Variants in ALK observed in about 807,000 individuals in gnomAD.
The protein encoded by ALK is ALK tyrosine kinase receptor.
A neutral mutation model predicts 163.1 loss-of-function variants in ALK; 74 were observed. The observed-to-expected ratio is 0.45, with a 90% CI of 0.38 to 0.55. The LOEUF (loss-of-function observed/expected upper bound fraction) is 0.55, where lower values mean the gene tolerates loss of function less well. Among genes scored for constraint, ALK ranks in the 20% least tolerant of loss-of-function variants. The pLI is 0.00. For missense variants in ALK, 2,063 were observed against 2,105.3 expected, an observed-to-expected ratio of 0.98 and a Z score of 0.39; for synonymous variants, 960 against 843.2, an observed-to-expected ratio of 1.14 and a Z score of -2.40.
chr2:29,916,820 TG>T (rs1667846902), intron 1 of ALK, among the ~76,000 whole-genome samples: 1 of 152,176 alleles, frequency 6.6e-6, no homozygotes, highest in African/African-American at 2.4e-5. Context: ...ACTGGAGCTG[TG>T]GGCAACATGC....
rs943938813 is a variant in ALK at position 29,830,481 on chromosome 2, A to T, written c.667+89512T>A. On this transcript the variant is annotated intron_variant, in intron 1 of 28. Transcript: ENST00000389048. Reference sequence around the variant, plus strand: ...TTCAGGTAAGAGGAGCCCTATTGACACAAGGTCTTCTTTAATCCCATCCAG... The same window carrying T: ...TTCAGGTAAGAGGAGCCCTATTGACTCAAGGTCTTCTTTAATCCCATCCAG... Among the ~76,000 whole-genome samples, 3 of 152,050 alleles carry T rather than the reference A, an allele frequency of 2.0e-5. No individual in the cohort carries two copies. The East Asian group carries it at 5.8e-4, about 29-fold the overall frequency.
chr2:29,678,435 C>T (rs977229097), intron 3 of ALK, among the ~76,000 whole-genome samples: 1 of 151,434 alleles, frequency 6.6e-6, no homozygotes, highest in Non-Finnish European at 1.5e-5. Context: ...GCATTCAAAG[C>T]TATACTTTTT....
intron 28 of ALK, among the ~76,000 whole-genome samples, chr2:29,196,027 C>G (rs2148140855): frequency 6.6e-6 from 1 of 152,122 alleles, no homozygotes; most frequent in African/African-American, 2.4e-5. Context: ...TCTCCACCCT[C>G]TTGGTGAGGG....
chr2:29,911,912 G>T (rs1450994947), intron 1 of ALK, among the ~76,000 whole-genome samples: 1 of 152,166 alleles, frequency 6.6e-6, no homozygotes, highest in African/African-American at 2.4e-5. Context: ...AAAATGAATG[G>T]AAAGGTAGTT....
chr2:29,324,231 G>GAGCTGTGACCTCAGCAGC (rs1175989630), intron 6 of ALK, among the ~76,000 whole-genome samples: 2 of 152,198 alleles, frequency 1.3e-5, no homozygotes, highest in African/African-American at 4.8e-5. Context: ...TACAGTCATG[G>GAGCTGTGACCTCAGCAGC]AGCTGTGACC....
intron 3 of ALK, among the ~76,000 whole-genome samples, chr2:29,667,796 C>A (rs1168845265): frequency 6.6e-6 from 1 of 151,862 alleles, no homozygotes; most frequent in East Asian, 1.9e-4. Context: ...TAATGCTGAC[C>A]TCATAGAATA....
At chr2:29,207,387 A>G (rs1669340338) in intron 25 of ALK, 115 bp from the exon 26 acceptor site, 2 of 800,540 alleles carry the variant, frequency 2.5e-6, no homozygotes, top group Non-Finnish European at 4.3e-6. Flanking sequence ...AAGGTCTGAA[A>G]TTAACCATGA....
intron 1 of ALK, among the ~76,000 whole-genome samples, chr2:29,796,409 T>G (rs773689413): frequency 6.6e-6 from 1 of 152,080 alleles, no homozygotes; most frequent in Non-Finnish European, 1.5e-5. Context: ...TCCTTAAATA[T>G]TACAAAGACC....
chr2:29,425,504 T>C (rs929064112), intron 4 of ALK, among the ~76,000 whole-genome samples: 1 of 152,214 alleles, frequency 6.6e-6, no homozygotes, highest in Admixed American at 6.5e-5. Flanking sequence ...AGGCATGTCA[T>C]GCTGATAATG....
intron 3 of ALK, among the ~76,000 whole-genome samples, chr2:29,573,784 G>T (rs1674447131): frequency 6.6e-6 from 1 of 152,150 alleles, no homozygotes; most frequent in African/African-American, 2.4e-5. Flanking sequence ...AGGTGTCAGT[G>T]CTCATGACTA....
intron 1 of ALK, among the ~76,000 whole-genome samples, chr2:29,796,914 AACTT>A (rs149049987): frequency 0.015 from 2,231 of 152,066 alleles, 59 homozygotes; most frequent in African/African-American, 0.052. Context: ...TGATGCTCAC[AACTT>A]ACTATCAAAT....
At chr2:29,595,018 T>C (rs931291462) in intron 3 of ALK, among the ~76,000 whole-genome samples, 3 of 151,960 alleles carry the variant, frequency 2.0e-5, no homozygotes, top group Non-Finnish European at 4.4e-5. Context: ...AAGGAAGTCA[T>C]GCGTCTAAAT....
intron 23 of ALK, among the ~76,000 whole-genome samples, chr2:29,216,083 A>G (rs142006194): frequency 2.2e-4 from 33 of 152,294 alleles, no homozygotes; most frequent in African/African-American, 7.9e-4. Context: ...GGCGGGCAGC[A>G]GAGACTCTGA....
intron 4 of ALK, among the ~76,000 whole-genome samples, chr2:29,496,741 T>A (rs1473730121): frequency 6.6e-6 from 1 of 152,180 alleles, no homozygotes; most frequent in Non-Finnish European, 1.5e-5. Context: ...CACCACACTT[T>A]GCCCATGGAA....
At chr2:29,203,070 G>A (rs1382489136) in intron 26 of ALK, among the ~76,000 whole-genome samples, 3 of 152,188 alleles carry the variant, frequency 2.0e-5, no homozygotes. Flanking sequence ...ACAGATTGCA[G>A]AGTCCCACCC....
intron 12 of ALK, among the ~76,000 whole-genome samples, chr2:29,249,843 G>A (rs1025373172): frequency 1.3e-5 from 2 of 152,182 alleles, no homozygotes; most frequent in East Asian, 1.9e-4. Context: ...GTGTCTTCCG[G>A]GATATTTACT....
intron 3 of ALK, among the ~76,000 whole-genome samples, chr2:29,583,295 G>A (rs1268989462): frequency 2.0e-5 from 3 of 152,008 alleles, no homozygotes; most frequent in African/African-American, 7.2e-5. Context: ...TAATTTGCAA[G>A]GCATTTCAAA....
rs145659598 is a variant in ALK at position 29,509,927 on chromosome 2, TTTGGGAC to T, written c.1154+21981_1154+21987del. Among the ~76,000 whole-genome samples, 1,203 of 152,232 alleles carry T rather than the reference TTTGGGAC, an allele frequency of 7.9e-3. 20 individuals are homozygous for T. Among genetic ancestry groups the T allele is most frequent in the African/African-American group, 0.028 (1,168 of 41,542 alleles). On this transcript the variant is annotated intron_variant, in intron 4 of 28. Transcript: ENST00000389048. ...AATTGTGATCTGTTTGTGGTTCAGG[TTTGGGAC>T]TTGGCACTTTGTAAGAAGAAGAATG...
intron 5 of ALK, among the ~76,000 whole-genome samples, chr2:29,359,404 G>T (rs1049728367): frequency 6.6e-6 from 1 of 152,204 alleles, no homozygotes; most frequent in East Asian, 1.9e-4. Context: ...ACAGAGGAGG[G>T]TTCCTGGCAG....
Sources: allele counts gnomAD v4.1 joint callset (sites outside exome capture counted in the v4.1 genomes callset), GRCh38; gene constraint gnomAD v4.1.1; transcripts MANE v1.5; gene names NCBI Gene and HGNC (gene_info 2026-07-23, HGNC 2026-07-21).